The following MAGI2 variants were observed in gnomAD, a reference collection of about 807,000 sequenced individuals.
The protein encoded by MAGI2 is membrane-associated guanylate kinase, WW and PDZ domain-containing protein 2.
Under a neutral mutation model 133.3 loss-of-function variants are expected in MAGI2, and 35 were observed. That is an observed-to-expected ratio of 0.26 (90% CI 0.20 to 0.35). MAGI2 has a LOEUF of 0.35. Among genes scored for constraint, MAGI2 ranks in the 10% least tolerant of loss-of-function variants. The pLI, the probability that MAGI2 is intolerant of heterozygous loss-of-function variation, is 1.00. For missense variants in MAGI2, 1,636 were observed against 1,863.4 expected (o/e 0.88, Z 2.25); for synonymous variants, 729 against 710.6 (o/e 1.03, Z -0.41).
chr7:78,190,425 G>A (rs1281468742), intron 12 of MAGI2, among the ~76,000 whole-genome samples: 1 of 152,102 alleles, frequency 6.6e-6, no homozygotes, highest in East Asian at 1.9e-4. Context: ...CAGTAATGAT[G>A]ATTATTCCTT....
chr7:78,370,143 A>G (rs899949627), intron 6 of MAGI2, among the ~76,000 whole-genome samples: 1 of 152,112 alleles, frequency 6.6e-6, no homozygotes. Flanking sequence ...TATCAAAAGA[A>G]AACTGGAATT....
chr7:78,469,401 T>C (rs1420976850), intron 6 of MAGI2, among the ~76,000 whole-genome samples: 11 of 152,172 alleles, frequency 7.2e-5, no homozygotes, highest in Non-Finnish European at 1.5e-4. Context: ...CTGTGCCATA[T>C]GAAATAACCT....
intron 1 of MAGI2, among the ~76,000 whole-genome samples, chr7:79,059,909 A>C (rs1813544642): frequency 6.6e-6 from 1 of 152,056 alleles, no homozygotes; most frequent in African/African-American, 2.4e-5. Context: ...CTCACTAGTG[A>C]ATTTATTAGA....
At chr7:78,880,305 A>T (rs1246631362) in intron 2 of MAGI2, among the ~76,000 whole-genome samples, 1 of 152,196 alleles carries the variant, frequency 6.6e-6, no homozygotes, top group Non-Finnish European at 1.5e-5. Flanking sequence ...GAAGAAAAAA[A>T]TCTTAAAAGG....
rs139289688 is a variant in MAGI2, at chr7:79,139,503, A to T, written c.302-132297T>A. Among the ~76,000 whole-genome samples, 419 of 152,254 alleles carry T rather than the reference A, an allele frequency of 2.8e-3. 1 individual carries two copies. The highest frequency in any genetic ancestry group is 3.7e-3 in the Non-Finnish European group (252 of 68,012). ...CTCAAGCCAATGTCTGAAGGATCCC[A>T]CTCTGATACACGGCTTCCCTCATTA... On this transcript the variant is annotated intron_variant, in intron 1 of 21. Transcript: ENST00000354212.
intron 1 of MAGI2, among the ~76,000 whole-genome samples, chr7:79,189,433 T>A (rs1279368002): frequency 1.3e-5 from 2 of 151,644 alleles, no homozygotes; most frequent in Non-Finnish European, 2.9e-5. Context: ...AAAAGTAAAT[T>A]TTCTGGATGT....
chr7:79,231,995 T>C (rs1831413692), intron 1 of MAGI2, among the ~76,000 whole-genome samples: 1 of 152,194 alleles, frequency 6.6e-6, no homozygotes, highest in South Asian at 2.1e-4. Context: ...TGAGAGTTTT[T>C]AGCATGAAGG....
At chr7:78,615,225 G>A (rs1563246347) in intron 3 of MAGI2, 1 of 152,166 alleles carries the variant, frequency 6.6e-6, no homozygotes, top group Non-Finnish European at 1.5e-5. Context: ...TTAAATTGAA[G>A]GGGAATAGGG....
chr7:78,048,639 A>G (rs1031560777), intron 21 of MAGI2, among the ~76,000 whole-genome samples: 2 of 152,080 alleles, frequency 1.3e-5, no homozygotes, highest in African/African-American at 4.8e-5. Flanking sequence ...TCAGTCTCAT[A>G]TTTGTATAAG....
At chr7:78,031,946 G>A (rs740216) in intron 21 of MAGI2, among the ~76,000 whole-genome samples, 27,341 of 151,202 alleles carry the variant, frequency 0.18, 2,638 homozygotes, top group South Asian at 0.28. Flanking sequence ...CTAGACTAAG[G>A]CCTCATAAGT....
At chr7:78,574,557 A>T (rs1233026480) in intron 3 of MAGI2, among the ~76,000 whole-genome samples, 2 of 152,252 alleles carry the variant, frequency 1.3e-5, no homozygotes, top group African/African-American at 4.8e-5. Context: ...ATTGTAACTC[A>T]TTAAGAACGA....
At chr7:78,274,510 C>T (rs920288696) in intron 9 of MAGI2, among the ~76,000 whole-genome samples, 1 of 152,158 alleles carries the variant, frequency 6.6e-6, no homozygotes, top group East Asian at 1.9e-4. Flanking sequence ...CAGGCAGGGA[C>T]GTTTAAGTCT....
chr7:78,839,660 G>C (rs1791954147), intron 2 of MAGI2, among the ~76,000 whole-genome samples: 1 of 152,000 alleles, frequency 6.6e-6, no homozygotes, highest in Admixed American at 6.6e-5. Context: ...AAAACCATCA[G>C]ATCTCGTGAG....
intron 6 of MAGI2, among the ~76,000 whole-genome samples, chr7:78,388,098 C>T (rs1241244665): frequency 6.6e-6 from 1 of 152,052 alleles, no homozygotes; most frequent in African/African-American, 2.4e-5. Context: ...ACATTACTGG[C>T]TTTGGGGTCA....
At chr7:78,072,639 C>CA (rs1297315594) in intron 21 of MAGI2, 5 of 332,004 alleles carry the variant, frequency 1.5e-5, no homozygotes, top group Non-Finnish European at 2.7e-5. Context: ...CAGATAATAG[C>CA]AAAAAAGATT....
chr7:79,430,220 A>G (rs1040402102), intron 1 of MAGI2, among the ~76,000 whole-genome samples: 1 of 152,144 alleles, frequency 6.6e-6, no homozygotes, highest in African/African-American at 2.4e-5. Context: ...TCCTGTATTT[A>G]GTTATTTCTT....
chr7:79,399,110 T>TGG (rs1228846004), intron 1 of MAGI2, among the ~76,000 whole-genome samples: 3 of 146,300 alleles, frequency 2.1e-5, no homozygotes, highest in African/African-American at 5.1e-5. Flanking sequence ...TTTTTTTTTT[T>TGG]GGGAGATGGA....
At chr7:78,657,227 G>A (rs916083465) in intron 2 of MAGI2, among the ~76,000 whole-genome samples, 1 of 152,154 alleles carries the variant, frequency 6.6e-6, no homozygotes, top group African/African-American at 2.4e-5. Flanking sequence ...ATTGCTGGTG[G>A]GAATGCAAAA....
intron 6 of MAGI2, among the ~76,000 whole-genome samples, chr7:78,482,538 C>T (rs1299960005): frequency 1.3e-5 from 2 of 151,854 alleles, no homozygotes; most frequent in African/African-American, 4.8e-5. Flanking sequence ...ACTGTGGTAC[C>T]ATCCATGCCA....
Sources: allele counts gnomAD v4.1 joint callset (sites outside exome capture counted in the v4.1 genomes callset), GRCh38; gene constraint gnomAD v4.1.1; transcripts MANE v1.5; gene names NCBI Gene and HGNC (gene_info 2026-07-23, HGNC 2026-07-21).